Variants in STN1 observed in about 807,000 individuals in gnomAD.
STN1 encodes the protein STN1 subunit of CST complex.
A neutral mutation model predicts 45.5 loss-of-function variants in STN1; 29 were observed. The observed-to-expected ratio is 0.64, with a 90% CI of 0.47 to 0.87. The LOEUF (loss-of-function observed/expected upper bound fraction) is 0.87, where lower values mean the gene tolerates loss of function less well. Among genes scored for constraint, STN1 ranks in the 40% least tolerant of loss-of-function variants. STN1 has a pLI of 0.00. For missense variants in STN1, 376 were observed against 441.4 expected (o/e 0.85, Z 1.33); for synonymous variants, 148 against 159.0 (o/e 0.93, Z 0.52).
rs1180350244 is a variant in STN1 at position 103,918,138 on chromosome 10, G to C, written c.-101C>G. On this transcript the variant is annotated 5_prime_UTR_variant, in exon 1 of 10. Transcript: ENST00000224950. ...CGCCGCCTGCAGCTCCAGGAGCCCT[G>C]AGACCTGGCCCTTCCGGCGCTCGGA... 6.5e-6 allele frequency: 1 copy of C among 152,730 alleles called. No homozygotes were observed. The highest frequency in any genetic ancestry group is 1.5e-5 in the Non-Finnish European group (1 of 68,410). 9.5% of individuals were successfully genotyped at this position (152,730 alleles called of 1,614,324 possible). A position where few individuals can be genotyped will look rare whatever the true frequency, so the allele number is the denominator to read the frequency against.
In STN1 at chr10:103,880,054, C is replaced by T. The variant is rs182099158; in HGVS notation, c.*2630G>A. Among the ~76,000 whole-genome samples, 448 of 152,326 alleles carry T rather than the reference C, an allele frequency of 2.9e-3. No homozygotes were observed. Among genetic ancestry groups the T allele is most frequent in the Non-Finnish European group, 3.6e-3 (247 of 68,040 alleles). On this transcript the variant is annotated 3_prime_UTR_variant, in exon 10 of 10. Coordinates refer to ENST00000224950, the MANE Select transcript of STN1 (RefSeq NM_024928.5). The stretch of plus-strand genomic sequence containing the variant: ...CAGGAGACGGCCCGCCCACTTCACC[C>T]GCCTGGGCCAAGTATGGCTTCCACA...
chr10:103,900,160 A>G lies in STN1; in HGVS notation c.359T>C (p.Ile120Thr), dbSNP rs775287540. Residue 120 changes from isoleucine to threonine, a missense_variant, in exon 5 of 10, where the codon ATT becomes ACT. Physicochemically the swap from Ile to Thr is moderately conservative, Grantham distance 89 (BLOSUM62 -1). Transcript: ENST00000224950. Reference sequence around the variant, plus strand: ...GATCTCTATCTTTGTTTTCTGCTCAATGGTCTCTTGTAGCTTCTTAAGTTG... The same window carrying G: ...GATCTCTATCTTTGTTTTCTGCTCAGTGGTCTCTTGTAGCTTCTTAAGTTG... ...TSQLKKLQET[I>T]EQKTKIEIGD... 5 of 1,614,048 alleles carry G rather than the reference A, an allele frequency of 3.1e-6. No individual in the cohort carries two copies. The highest frequency in any genetic ancestry group is 2.2e-5 in the East Asian group (1 of 44,892).
rs1843066972 is a variant in STN1, at chr10:103,881,265, C to A, written c.*1419G>T. On this transcript the variant is annotated 3_prime_UTR_variant, in exon 10 of 10. Transcript: ENST00000224950. The stretch of plus-strand genomic sequence containing the variant: ...AGATAAACCCCTAAGAGCAGAGTTG[C>A]TATAGGCAAGGGTATGCCCTTTTTA... 6.6e-6 allele frequency among the ~76,000 whole-genome samples: 1 copy of A among 152,212 alleles called. No homozygotes were observed. Among genetic ancestry groups the A allele is most frequent in the Admixed American group, 6.5e-5 (1 of 15,278 alleles).
intron 3 of STN1, among the ~76,000 whole-genome samples, chr10:103,906,652 C>A (rs1022949140): frequency 2.0e-5 from 3 of 151,572 alleles, no homozygotes; most frequent in African/African-American, 7.3e-5. Context: ...CAGAATGAAA[C>A]CTTGTTTCAA....
intron 4 of STN1, among the ~76,000 whole-genome samples, chr10:103,902,640 A>G (rs941347463): frequency 7.2e-5 from 11 of 152,244 alleles, no homozygotes; most frequent in African/African-American, 2.7e-4. Context: ...CAAATGGTAC[A>G]TTCAATGTGA....
intron 3 of STN1, 117 bp downstream of exon 3, chr10:103,910,410 A>G (rs1047776395): frequency 8.1e-6 from 5 of 615,158 alleles, no homozygotes; most frequent in Admixed American, 2.8e-5. Context: ...GAGAAAGTAC[A>G]TGCCCTTAGT....
chr10:103,895,394 G>GCT (rs1564632715), intron 7 of STN1, among the ~76,000 whole-genome samples: 4 of 152,082 alleles, frequency 2.6e-5, no homozygotes, highest in African/African-American at 9.7e-5. Flanking sequence ...TATGGTCTTC[G>GCT]CTAAGCTTTA....
At chr10:103,914,148 T>C (rs1843308973) in intron 2 of STN1, among the ~76,000 whole-genome samples, 3 of 152,156 alleles carry the variant, frequency 2.0e-5, no homozygotes, top group South Asian at 4.1e-4. Flanking sequence ...CAACCAGATT[T>C]AATATAATTC....
At chr10:103,889,504 T>C (rs1051453798) in intron 8 of STN1, among the ~76,000 whole-genome samples, 1 of 151,848 alleles carries the variant, frequency 6.6e-6, no homozygotes, top group African/African-American at 2.4e-5. Flanking sequence ...CCATGACTCC[T>C]TCTTCTGGGC....
chr10:103,902,832 T>C (rs1232702170), intron 4 of STN1, among the ~76,000 whole-genome samples: 1 of 152,202 alleles, frequency 6.6e-6, no homozygotes, highest in East Asian at 1.9e-4. Flanking sequence ...TTAAAGACGA[T>C]GAGAATCATT....
At chr10:103,898,037 C>G (rs977807697) in intron 6 of STN1, among the ~76,000 whole-genome samples, 2 of 152,068 alleles carry the variant, frequency 1.3e-5, no homozygotes, top group Non-Finnish European at 2.9e-5. Flanking sequence ...TGTGTAAGCA[C>G]AGAAGAAACT....
Position 103,917,676 on chromosome 10 carries a change from G to A in STN1, c.-62-20C>T, listed in dbSNP as rs1843343449. The A allele has an allele frequency of 6.6e-7, 1 of 1,504,364 alleles. No individual in the cohort carries two copies. The highest frequency in any genetic ancestry group is 9.0e-7 in the Non-Finnish European group (1 of 1,108,256). The allele number at this position is 1,504,364 out of a possible 1,614,324, so 93.2% of individuals were successfully genotyped here. On this transcript the variant is annotated intron_variant, in intron 1 of 9. Transcript: ENST00000224950. ...AAGCATCTAGATGGGACACAGAAAT[G>A]AGGATGCAATGCGTTTAACGTGGGT...
intron 2 of STN1, among the ~76,000 whole-genome samples, chr10:103,914,871 C>G (rs542309520): frequency 5.2e-4 from 79 of 152,254 alleles, no homozygotes; most frequent in Non-Finnish European, 1.0e-3. Context: ...GGCACAGTCC[C>G]CAACAATACT....
intron 7 of STN1, among the ~76,000 whole-genome samples, chr10:103,896,711 T>C (rs1259890739): frequency 6.6e-6 from 1 of 151,904 alleles, no homozygotes; most frequent in Non-Finnish European, 1.5e-5. Context: ...AATTTTTGTA[T>C]TTTTAGTAGA....
At chr10:103,900,465 C>G (rs1843201507) in intron 4 of STN1, among the ~76,000 whole-genome samples, 1 of 152,194 alleles carries the variant, frequency 6.6e-6, no homozygotes, top group Admixed American at 6.5e-5. Flanking sequence ...GTCCAGCGGG[C>G]AAGTTCCGAC....
intron 4 of STN1, among the ~76,000 whole-genome samples, chr10:103,904,226 A>G (rs1388122695): frequency 6.6e-6 from 1 of 152,224 alleles, no homozygotes; most frequent in African/African-American, 2.4e-5. Flanking sequence ...AAACACAGGA[A>G]AAACAAGGTT....
intron 8 of STN1, 56 bp downstream of exon 8, chr10:103,892,070 TAATA>T (rs1257538226): frequency 3.0e-6 from 4 of 1,320,858 alleles, no homozygotes; most frequent in South Asian, 2.8e-5. Flanking sequence ...TATTCATAAG[TAATA>T]AATATATTTG....
At chr10:103,909,422 ATG>A (rs1843269448) in intron 3 of STN1, among the ~76,000 whole-genome samples, 1 of 58,294 alleles carries the variant, frequency 1.7e-5, no homozygotes, top group African/African-American at 7.5e-5. Flanking sequence ...ATATGTATAT[ATG>A]TATATATATG....
chr10:103,914,356 A>ATTTTTT lies in STN1; in HGVS notation c.133+3105_133+3106insAAAAAA, dbSNP rs1564636108. 1.6e-4 allele frequency among the ~76,000 whole-genome samples: 3 copies of ATTTTTT among 19,144 alleles called. 1 individual carries two copies. The highest frequency in any genetic ancestry group is 1.4e-3 in the Admixed American group (2 of 1,464). The allele number at this position is 19,144 out of a possible 152,430, so 12.6% of individuals were successfully genotyped here. A position where few individuals can be genotyped will look rare whatever the true frequency, so the allele number is the denominator to read the frequency against. ...AATACATATATATATATATATATATATATATATATATATATATATTTTTTT... is the reference window on the plus strand; with the variant it reads ...AATACATATATATATATATATATATATTTTTTTATATATATATATATATATTTTTTT... On this transcript the variant is annotated intron_variant, in intron 2 of 9. Transcript: ENST00000224950.
Sources: allele counts gnomAD v4.1 joint callset (sites outside exome capture counted in the v4.1 genomes callset), GRCh38; gene constraint gnomAD v4.1.1; transcripts MANE v1.5; gene names NCBI Gene and HGNC (gene_info 2026-07-23, HGNC 2026-07-21).